ENPEP: variants seen among roughly 807,000 people sequenced by gnomAD.
The protein encoded by ENPEP is AP-A.
In ENPEP, 103 loss-of-function variants were observed where a neutral mutation model predicts 114.5. That is an observed-to-expected ratio of 0.90 (90% confidence interval 0.77 to 1.06). ENPEP has a LOEUF of 1.06. Ranked by LOEUF, ENPEP falls within the 50% of genes least tolerant of loss-of-function variation. The pLI, the probability that ENPEP is intolerant of heterozygous loss-of-function variation, is 0.00. For missense variants in ENPEP, 1,196 were observed against 1,161.3 expected, an observed-to-expected ratio of 1.03 and a Z score of -0.43; for synonymous variants, 420 against 422.0, an observed-to-expected ratio of 1.00 and a Z score of 0.06.
intron 3 of ENPEP, among the ~76,000 whole-genome samples, chr4:110,498,251 G>A (rs1428710487): frequency 6.6e-6 from 1 of 152,078 alleles, no homozygotes; most frequent in African/African-American, 2.4e-5. Flanking sequence ...GGTGTTACTA[G>A]CCCTGAGTGC....
rs1338463863 is a variant in ENPEP, at chr4:110,476,830, C to T, written c.416C>T (p.Thr139Ile). The T allele has an allele frequency of 2.5e-6, 4 of 1,613,996 alleles. No individual in the cohort carries two copies. Among genetic ancestry groups the T allele is most frequent in the Non-Finnish European group, 3.4e-6 (4 of 1,180,016 alleles). ...TRYLWLHLRE[T>I]RITRLPELKR... The stretch of plus-strand genomic sequence containing the variant: ...TACCTGTGGCTGCACCTCCGGGAGA[C>T]CAGGATCACCCGGCTCCCGGAGCTG... The change falls in exon 1 of 20, where the codon ACC becomes ATC. Residue 139 changes from threonine to isoleucine, a missense_variant. Transcript: ENST00000265162.
At chr4:110,497,223 A>C (rs149222616) in intron 3 of ENPEP, among the ~76,000 whole-genome samples, 4 of 152,280 alleles carry the variant, frequency 2.6e-5, no homozygotes, top group African/African-American at 9.6e-5. Context: ...TGGTCATTTC[A>C]TTATTTTAAA....
Position 110,543,098 on chromosome 4 carries a change from T to C in ENPEP, c.2000+28T>C, listed in dbSNP as rs762359813. ...GCGTTTTAGAATGAGACTAAATTAC[T>C]TAAAATACTGTGGGTTTTCTCATAA... On this transcript the variant is annotated intron_variant, in intron 13 of 19. Transcript: ENST00000265162. 5 of 1,588,038 alleles carry C rather than the reference T, an allele frequency of 3.1e-6. No individual in the cohort carries two copies. In the South Asian group the frequency reaches 4.5e-5, roughly 14 times the overall value.
chr4:110,501,993 A>G (rs992056977), intron 3 of ENPEP, among the ~76,000 whole-genome samples: 11 of 152,120 alleles, frequency 7.2e-5, no homozygotes, highest in African/African-American at 2.7e-4. Flanking sequence ...TGGGTGAGAT[A>G]GTATCTCATT....
chr4:110,517,880 A>G (rs1725840205), intron 8 of ENPEP, among the ~76,000 whole-genome samples: 1 of 152,176 alleles, frequency 6.6e-6, no homozygotes, highest in South Asian at 2.1e-4. Flanking sequence ...CCTCAGACCA[A>G]CTGGAACATA....
Position 110,549,599 on chromosome 4 carries a change from C to T in ENPEP, c.2297C>T (p.Ser766Leu), listed in dbSNP as rs1470555275. Reference protein sequence around the residue: ...GDREALNNASSLFEQWLNGTV... With the variant: ...GDREALNNASLLFEQWLNGTV... ...AGAGAAGCCTTGAACAATGCTTCCT[C>T]GTTATTTGAGCAGTGGCTAAATGGG... Residue 766 changes from serine to leucine, a missense_variant, in exon 16 of 20, where the codon TCG becomes TTG. Transcript: ENST00000265162. The T allele has an allele frequency of 1.5e-5, 24 of 1,613,466 alleles. No individual in the cohort carries two copies. Among genetic ancestry groups the T allele is most frequent in the Admixed American group, 8.3e-5 (5 of 59,916 alleles).
chr4:110,486,170 A>AT (rs1042286211), intron 1 of ENPEP, among the ~76,000 whole-genome samples: 1 of 152,148 alleles, frequency 6.6e-6, no homozygotes, highest in Non-Finnish European at 1.5e-5. Context: ...TTATTTATTC[A>AT]TTTTAAAAAA....
chr4:110,510,353 C>T lies in ENPEP; in HGVS notation c.1303C>T (p.Gln435Ter), dbSNP rs1403479294. 2 of 1,612,500 alleles carry T rather than the reference C, an allele frequency of 1.2e-6. No homozygotes were observed. The highest frequency in any genetic ancestry group is 4.5e-5 in the East Asian group (2 of 44,876). The change falls in exon 6 of 20, where the codon CAA becomes TAA. Residue 435 changes from glutamine (Q) to a stop codon, truncating the protein, a stop_gained. Coordinates refer to ENST00000265162, the MANE Select transcript of ENPEP (RefSeq NM_001977.4). LOFTEE classifies it high-confidence loss of function. Reference protein sequence around the residue: ...LGVNHAETDWQMRDQMLLEDV... With the variant: ...LGVNHAETDW ...AGTAAACCATGCAGAAACAGACTGG[C>T]AAATGGTGAGTCCTAAACACATAAA...
chr4:110,549,432 T>G lies in ENPEP; in HGVS notation c.2225+13T>G. 2 of 1,613,082 alleles carry G rather than the reference T, an allele frequency of 1.2e-6. No individual in the cohort carries two copies. Among genetic ancestry groups the G allele is most frequent in the Non-Finnish European group, 1.7e-6 (2 of 1,179,330 alleles). On this transcript the variant is annotated intron_variant, in intron 15 of 19. Coordinates refer to ENST00000265162, the MANE Select transcript of ENPEP (RefSeq NM_001977.4). ...ACCATGTCACAAAGTTATTCTCACT[T>G]TTTAACAACTAAAATTCATTTAACA...
chr4:110,518,447 G>T (rs377025238), intron 8 of ENPEP, among the ~76,000 whole-genome samples: 1 of 152,184 alleles, frequency 6.6e-6, no homozygotes, highest in Non-Finnish European at 1.5e-5. Flanking sequence ...CTAGGTCATC[G>T]TGTAATTTTG....
intron 7 of ENPEP, among the ~76,000 whole-genome samples, chr4:110,513,814 A>G (rs1725666700): frequency 6.6e-6 from 1 of 152,162 alleles, no homozygotes; most frequent in Non-Finnish European, 1.5e-5. Flanking sequence ...ATAATTTAAT[A>G]TTTAGACTTG....
At position 110,549,551 on chromosome 4, in the gene ENPEP, G is replaced by T; in HGVS notation, c.2249G>T (p.Gly750Val). Reference protein sequence around the residue: ...VTKLLRSSVLGFACKMGDREA... With the variant: ...VTKLLRSSVLVFACKMGDREA... Reference sequence around the variant, plus strand: ...AGGTTACTCCGTTCCTCCGTGTTAGGGTTTGCGTGCAAGATGGGAGACAGA... The same window carrying T: ...AGGTTACTCCGTTCCTCCGTGTTAGTGTTTGCGTGCAAGATGGGAGACAGA... Residue 750 changes from glycine to valine, a missense_variant, in exon 16 of 20, where the codon GGG becomes GTG. By Grantham distance (109) the Gly-to-Val change is moderately radical. Coordinates refer to ENST00000265162, the MANE Select transcript of ENPEP (RefSeq NM_001977.4). 1 of 1,613,552 alleles carries T rather than the reference G, an allele frequency of 6.2e-7. No individual in the cohort carries two copies. Among genetic ancestry groups the T allele is most frequent in the Middle Eastern group, 1.7e-4 (1 of 6,056 alleles).
At chr4:110,491,405 G>T (rs756080253) in intron 3 of ENPEP, among the ~76,000 whole-genome samples, 35 of 152,182 alleles carry the variant, frequency 2.3e-4, no homozygotes, top group Non-Finnish European at 1.9e-4. Context: ...GGAAACATGT[G>T]CTGTAAGTCA....
In ENPEP at chr4:110,520,265, G is replaced by A; in HGVS notation, c.1626G>A (p.Met542Ile). ...KEVMDTWTRQ[M>I]GYPVLNVNGV... ...TAATGGACACCTGGACCAGACAGAT[G>A]GGTTATCCTGTGCTTAACGTGAACG... Residue 542 changes from methionine (M) to isoleucine (I), a missense_variant, in exon 10 of 20, where the codon ATG (methionine) becomes ATA (isoleucine). Met to Ile is a conservative substitution (Grantham distance 10). Coordinates refer to ENST00000265162, the MANE Select transcript of ENPEP (RefSeq NM_001977.4). The A allele has an allele frequency of 6.2e-7, 1 of 1,614,018 alleles. No homozygotes were observed. Among genetic ancestry groups the A allele is most frequent in the Non-Finnish European group, 8.5e-7 (1 of 1,179,892 alleles).
chr4:110,490,257 T>C (rs1382636802), intron 2 of ENPEP, among the ~76,000 whole-genome samples: 1 of 152,206 alleles, frequency 6.6e-6, no homozygotes, highest in Non-Finnish European at 1.5e-5. Flanking sequence ...TAATGTAGCC[T>C]GGAGCCCCAC....
At position 110,520,251 on chromosome 4, in the gene ENPEP, T is replaced by G. The variant is rs776014593; in HGVS notation, c.1612T>G (p.Trp538Gly). Reference protein sequence around the residue: ...RLPVKEVMDTWTRQMGYPVLN... With the variant: ...RLPVKEVMDTGTRQMGYPVLN... ...ACCAGTGAAAGAAGTAATGGACACC[T>G]GGACCAGACAGATGGGTTATCCTGT... The change falls in exon 10 of 20, where the codon TGG becomes GGG. Residue 538 changes from tryptophan (W) to glycine (G), a missense_variant. Trp to Gly is a radical substitution (Grantham distance 184, BLOSUM62 -2). Transcript: ENST00000265162. 6.2e-7 allele frequency: 1 copy of G among 1,613,994 alleles called. No individual in the cohort carries two copies. Among genetic ancestry groups the G allele is most frequent in the African/African-American group, 1.3e-5 (1 of 74,944 alleles).
At chr4:110,545,394 A>G (rs1578416607) in intron 13 of ENPEP, among the ~76,000 whole-genome samples, 1 of 151,908 alleles carries the variant, frequency 6.6e-6, no homozygotes, top group East Asian at 1.9e-4. Context: ...CAATTCCATA[A>G]TTTTCTCAGT....
intron 1 of ENPEP, among the ~76,000 whole-genome samples, chr4:110,481,481 C>T (rs1002864484): frequency 1.3e-5 from 2 of 152,056 alleles, no homozygotes; most frequent in Non-Finnish European, 2.9e-5. Context: ...TATGTCTTTC[C>T]TTTACTGTTT....
At chr4:110,489,734 G>T (rs964411430) in intron 2 of ENPEP, among the ~76,000 whole-genome samples, 1 of 152,096 alleles carries the variant, frequency 6.6e-6, no homozygotes, top group Non-Finnish European at 1.5e-5. Flanking sequence ...CAAAGTTGAG[G>T]TTTACATACT....
Sources: gnomAD v4.1 joint callset for allele counts (sites outside exome capture counted in the v4.1 genomes callset) on GRCh38, gnomAD v4.1.1 for gene constraint, MANE v1.5 for transcripts, NCBI Gene and HGNC (gene_info 2026-07-23, HGNC 2026-07-21) for gene names.